The following ROBO1 variants were observed in gnomAD, a reference collection of about 807,000 sequenced individuals.
ROBO1 encodes roundabout homolog 1.
Under a neutral mutation model 195.9 loss-of-function variants are expected in ROBO1, and 149 were observed. The observed-to-expected ratio is 0.76, with a 90% confidence interval of 0.67 to 0.87. The LOEUF (loss-of-function observed/expected upper bound fraction) is 0.87, where lower values mean the gene tolerates loss of function less well. Ranked by LOEUF, ROBO1 falls within the 40% of genes least tolerant of loss-of-function variation. The pLI is 0.00. For synonymous variants in ROBO1, 816 were observed against 733.2 expected, an observed-to-expected ratio of 1.11 and a Z score of -1.82; for missense variants, 1,933 against 2,068.3, an observed-to-expected ratio of 0.93 and a Z score of 1.27.
At chr3:79,209,290 C>T (rs1167739035) in intron 2 of ROBO1, among the ~76,000 whole-genome samples, 1 of 152,284 alleles carries the variant, frequency 6.6e-6, no homozygotes, top group East Asian at 1.9e-4. Context: ...ATGCCTCCAA[C>T]TCCATCCAAG....
intron 2 of ROBO1, among the ~76,000 whole-genome samples, chr3:79,396,730 T>C (rs1268356572): frequency 6.6e-6 from 1 of 152,128 alleles, no homozygotes; most frequent in Non-Finnish European, 1.5e-5. Flanking sequence ...GTCAAAAGTT[T>C]CTTTAATCTA....
intron 2 of ROBO1, among the ~76,000 whole-genome samples, chr3:79,525,303 CTAATA>C (rs1379544073): frequency 6.7e-6 from 1 of 149,290 alleles, no homozygotes; most frequent in African/African-American, 2.4e-5. Flanking sequence ...ATACATATAT[CTAATA>C]TATGTAAAAT....
chr3:79,347,871 T>C (rs979527846), intron 2 of ROBO1, among the ~76,000 whole-genome samples: 1 of 152,174 alleles, frequency 6.6e-6, no homozygotes, highest in African/African-American at 2.4e-5. Context: ...AGGCACTGAA[T>C]GAATCATGAG....
chr3:79,169,172 A>C lies in ROBO1; in HGVS notation c.89-43633T>G, dbSNP rs909316551. Among the ~76,000 whole-genome samples, 4 of 152,194 alleles carry C rather than the reference A, an allele frequency of 2.6e-5. No individual in the cohort carries two copies. In the South Asian group the frequency reaches 8.3e-4, roughly 31 times the overall value. ...GACTATTGATGACTGGGATCTCTTC[A>C]AGAGTACATATTAGTGCACATTTGG... On this transcript the variant is annotated intron_variant, in intron 2 of 30. Coordinates refer to ENST00000464233, the MANE Select transcript of ROBO1 (RefSeq NM_002941.4).
intron 2 of ROBO1, among the ~76,000 whole-genome samples, chr3:79,445,453 A>AT (rs969206223): frequency 4.4e-5 from 5 of 114,184 alleles, no homozygotes; most frequent in African/African-American, 9.9e-5. Context: ...ACATTTCTGT[A>AT]TTTTTTTTGG....
intron 4 of ROBO1, among the ~76,000 whole-genome samples, chr3:78,922,422 A>C (rs947417925): frequency 1.3e-5 from 2 of 152,092 alleles, no homozygotes; most frequent in African/African-American, 4.8e-5. Flanking sequence ...ATCAACAAAA[A>C]ATATACAAAT....
At chr3:79,325,999 C>G (rs2034194869) in intron 2 of ROBO1, among the ~76,000 whole-genome samples, 1 of 152,108 alleles carries the variant, frequency 6.6e-6, no homozygotes, top group African/African-American at 2.4e-5. Flanking sequence ...GATGGCCCCC[C>G]TGGGTGTGGC....
chr3:78,631,283 C>A lies in ROBO1; in HGVS notation c.3504G>T (p.Gly1168=). The change falls in exon 25 of 31, where the codon GGG becomes GGT. Residue 1168 remains glycine, a synonymous_variant. Transcript: ENST00000464233. The part of the protein sequence containing the change: ...STSGSQGHKK[G]ARTPKVPKQG... Reference sequence around the variant, plus strand: ...GTTTTGGTACCTTGGGTGTTCTTGCCCCTTTCTTGTGCCCCTGACTCCCTA... The same window carrying A: ...GTTTTGGTACCTTGGGTGTTCTTGCACCTTTCTTGTGCCCCTGACTCCCTA... The A allele has an allele frequency of 1.2e-6, 2 of 1,613,252 alleles. No individual in the cohort carries two copies. The highest frequency in any genetic ancestry group is 1.7e-6 in the Non-Finnish European group (2 of 1,179,540).
intron 4 of ROBO1, among the ~76,000 whole-genome samples, chr3:78,788,341 AT>A (rs1195320052): frequency 1.4e-5 from 2 of 145,974 alleles, no homozygotes; most frequent in Non-Finnish European, 3.0e-5. Flanking sequence ...GATGGTCTCG[AT>A]CTCCTGACCT....
intron 1 of ROBO1, among the ~76,000 whole-genome samples, chr3:79,602,342 G>C (rs1325815698): frequency 2.6e-5 from 4 of 151,990 alleles, no homozygotes; most frequent in African/African-American, 9.7e-5. Flanking sequence ...GTGCATGAAA[G>C]GTAGGGAAAA....
intron 2 of ROBO1, among the ~76,000 whole-genome samples, chr3:79,320,821 G>A (rs1407040165): frequency 3.3e-5 from 5 of 152,148 alleles, no homozygotes; most frequent in Non-Finnish European, 4.4e-5. Context: ...TCAGAGATAA[G>A]TATTTAATTT....
chr3:79,019,577 G>T, intron 3 of ROBO1: 4 of 983,884 alleles, frequency 4.1e-6, no homozygotes, highest in Non-Finnish European at 4.8e-6. Context: ...TTCTCCAGGC[G>T]CTGGTCAGGC....
intron 2 of ROBO1, among the ~76,000 whole-genome samples, chr3:79,569,788 G>T (rs1217895466): frequency 6.6e-6 from 1 of 151,756 alleles, no homozygotes. Flanking sequence ...AAAATGCTTT[G>T]AGGTAAACTG....
At chr3:79,604,599 C>T (rs1408721278) in intron 1 of ROBO1, among the ~76,000 whole-genome samples, 1 of 152,058 alleles carries the variant, frequency 6.6e-6, no homozygotes, top group Middle Eastern at 3.4e-3. Context: ...TAATCCTTTA[C>T]TAAGAATTAT....
rs1481440525 is a variant in ROBO1, at chr3:79,612,299, G to A, written c.-50-22338C>T. Among the ~76,000 whole-genome samples, 8 of 147,624 alleles carry A rather than the reference G, an allele frequency of 5.4e-5. No individual in the cohort carries two copies. In the East Asian group the frequency reaches 8.2e-4, roughly 15 times the overall value. On this transcript the variant is annotated intron_variant, in intron 1 of 30. Coordinates refer to ENST00000464233, the MANE Select transcript of ROBO1 (RefSeq NM_002941.4). ...GCGGTGTTTGGTTTTTTGTTCTTGC[G>A]ATAGTTTACTGAGAATGATGATTTC...
At chr3:79,362,020 G>A (rs867250807) in intron 2 of ROBO1, among the ~76,000 whole-genome samples, 4 of 151,956 alleles carry the variant, frequency 2.6e-5, no homozygotes, top group Non-Finnish European at 5.9e-5. Flanking sequence ...GTAGAGTGCC[G>A]GACATGAATC....
At chr3:79,312,958 C>A (rs1484807733) in intron 2 of ROBO1, among the ~76,000 whole-genome samples, 2 of 151,956 alleles carry the variant, frequency 1.3e-5, no homozygotes, top group Admixed American at 6.6e-5. Flanking sequence ...CTCAACGTTG[C>A]CATTTACATT....
chr3:78,637,885 G>A (rs897701821), intron 22 of ROBO1, among the ~76,000 whole-genome samples: 32 of 150,044 alleles, frequency 2.1e-4, no homozygotes, highest in Non-Finnish European at 3.1e-4. Flanking sequence ...CTTCTCTCTC[G>A]CCTTTCCGTA....
At chr3:79,002,395 A>G (rs1333283121) in intron 3 of ROBO1, among the ~76,000 whole-genome samples, 1 of 152,158 alleles carries the variant, frequency 6.6e-6, no homozygotes, top group African/African-American at 2.4e-5. Flanking sequence ...GCTTTCTTGG[A>G]AATATATGTT....
Sources: gnomAD v4.1 joint callset for allele counts (sites outside exome capture counted in the v4.1 genomes callset) on GRCh38, gnomAD v4.1.1 for gene constraint, MANE v1.5 for transcripts, NCBI Gene and HGNC (gene_info 2026-07-23, HGNC 2026-07-21) for gene names.